Variants in CDH13 observed in about 807,000 individuals in gnomAD.
CDH13 encodes cadherin 13, also known as cadherin-13.
Under a neutral mutation model 63.8 loss-of-function variants are expected in CDH13, and 24 were observed. That is an observed-to-expected ratio of 0.38 (90% CI 0.27 to 0.53). The LOEUF (loss-of-function observed/expected upper bound fraction) is 0.53, where lower values mean the gene tolerates loss of function less well. Among genes scored for constraint, CDH13 ranks in the 20% least tolerant of loss-of-function variants. The pLI, the probability that CDH13 is intolerant of heterozygous loss-of-function variation, is 0.85. For synonymous variants in CDH13, 503 were observed against 355.3 expected, an observed-to-expected ratio of 1.42 and a Z score of -4.67; for missense variants, 1,049 against 903.1, an observed-to-expected ratio of 1.16 and a Z score of -2.07.
intron 2 of CDH13, among the ~76,000 whole-genome samples, chr16:82,883,528 A>G (rs969921360): frequency 2.0e-5 from 3 of 152,230 alleles, no homozygotes; most frequent in African/African-American, 7.2e-5. Context: ...TTCAGGTGGT[A>G]TGAGGATTAC....
intron 10 of CDH13, among the ~76,000 whole-genome samples, chr16:83,745,288 T>C (rs1221207142): frequency 1.3e-5 from 2 of 152,102 alleles, no homozygotes; most frequent in Admixed American, 6.5e-5. Context: ...AGTTTGGGGG[T>C]CTGGTACATC....
intron 5 of CDH13, among the ~76,000 whole-genome samples, chr16:83,246,428 G>GT (rs1421226493): frequency 3.3e-5 from 5 of 152,088 alleles, no homozygotes; most frequent in African/African-American, 1.2e-4. Flanking sequence ...GCCTCATTTT[G>GT]ATTTTCTGCT....
chr16:82,834,532 C>T (rs532997540), intron 1 of CDH13, among the ~76,000 whole-genome samples: 1 of 152,280 alleles, frequency 6.6e-6, no homozygotes, highest in South Asian at 2.1e-4. Flanking sequence ...TCATTCAGAA[C>T]ACAAGCTTTG....
At position 82,677,446 on chromosome 16, in the gene CDH13, CTTT is replaced by C. The variant is rs3041877; in HGVS notation, c.45+50324_45+50326del. Among the ~76,000 whole-genome samples the C allele has an allele frequency of 0.024, 3,131 of 130,694 alleles. 168 individuals carry two copies. In the East Asian group the frequency reaches 0.25, roughly 10 times the overall value. The allele number at this position is 130,694 out of a possible 152,430, so 85.7% of individuals were successfully genotyped here. A position where few individuals can be genotyped will look rare whatever the true frequency, so the allele number is the denominator to read the frequency against. On this transcript the variant is annotated intron_variant, in intron 1 of 13. Coordinates refer to ENST00000567109, the MANE Select transcript of CDH13 (RefSeq NM_001257.5). Reference sequence around the variant, plus strand: ...TATACAAAGGAAAGGACTCTTCTGCCTTTTTTTTTTTTTTTTTGGTTTTTAACT... The same window carrying C: ...TATACAAAGGAAAGGACTCTTCTGCCTTTTTTTTTTTTTTGGTTTTTAACT...
At chr16:83,007,146 T>C (rs1054881852) in intron 2 of CDH13, among the ~76,000 whole-genome samples, 1 of 152,144 alleles carries the variant, frequency 6.6e-6, no homozygotes. Context: ...GGTCTTGAAC[T>C]CTCGACCTAA....
chr16:83,177,871 C>T (rs1271575347), intron 4 of CDH13, among the ~76,000 whole-genome samples: 1 of 152,150 alleles, frequency 6.6e-6, no homozygotes, highest in Non-Finnish European at 1.5e-5. Context: ...ACCTGCTTTT[C>T]CCACCATGCT....
At chr16:83,061,683 C>T (rs765451023) in intron 3 of CDH13, among the ~76,000 whole-genome samples, 1 of 152,118 alleles carries the variant, frequency 6.6e-6, no homozygotes, top group Non-Finnish European at 1.5e-5. Flanking sequence ...AAACCAGACG[C>T]CTCCAGTTAA....
chr16:83,743,231 AC>A (rs1912227399), intron 10 of CDH13, among the ~76,000 whole-genome samples: 1 of 152,116 alleles, frequency 6.6e-6, no homozygotes, highest in Non-Finnish European at 1.5e-5. Context: ...AAATAAGCAA[AC>A]AGAGGGGAGC....
chr16:82,865,821 A>T (rs376926589), intron 2 of CDH13, among the ~76,000 whole-genome samples: 12 of 151,972 alleles, frequency 7.9e-5, no homozygotes, highest in African/African-American at 2.9e-4. Flanking sequence ...TTTCTTTTCT[A>T]TTTCATCTTC....
chr16:83,350,579 C>T (rs2090932793), intron 6 of CDH13, among the ~76,000 whole-genome samples: 1 of 152,004 alleles, frequency 6.6e-6, no homozygotes, highest in Non-Finnish European at 1.5e-5. Context: ...ATCCAGTATG[C>T]TTAGCAAGCA....
At chr16:83,651,777 G>T (rs1349642566) in intron 8 of CDH13, among the ~76,000 whole-genome samples, 6 of 151,260 alleles carry the variant, frequency 4.0e-5, no homozygotes, top group Admixed American at 4.0e-4. Flanking sequence ...TGTATTTTTA[G>T]TAGAGACAGG....
intron 4 of CDH13, among the ~76,000 whole-genome samples, chr16:83,216,375 T>A (rs74983270): frequency 0.057 from 6,422 of 113,356 alleles, 633 homozygotes; most frequent in African/African-American, 0.18. Context: ...GAAATAATAA[T>A]GTCCTCTGCC....
chr16:82,892,106 G>A (rs1018033365), intron 2 of CDH13, among the ~76,000 whole-genome samples: 8 of 152,042 alleles, frequency 5.3e-5, no homozygotes, highest in Non-Finnish European at 2.9e-5. Context: ...ATCCCTTTAT[G>A]AGCTCATAGC....
At chr16:82,956,754 A>C (rs1906174119) in intron 2 of CDH13, among the ~76,000 whole-genome samples, 1 of 152,214 alleles carries the variant, frequency 6.6e-6, no homozygotes, top group South Asian at 2.1e-4. Context: ...CACATTGGAA[A>C]GTTTGCATAA....
At chr16:82,772,408 A>G (rs953729243) in intron 1 of CDH13, among the ~76,000 whole-genome samples, 1 of 152,130 alleles carries the variant, frequency 6.6e-6, no homozygotes, top group African/African-American at 2.4e-5. Context: ...ACCAGCTGCA[A>G]TATGGTAGGA....
chr16:83,557,709 C>T (rs954496583), intron 7 of CDH13, among the ~76,000 whole-genome samples: 1 of 152,012 alleles, frequency 6.6e-6, no homozygotes, highest in Admixed American at 6.6e-5. Flanking sequence ...GGGGACTTGC[C>T]GTCTTCCTAG....
At chr16:83,015,648 G>C (rs962688231) in intron 2 of CDH13, among the ~76,000 whole-genome samples, 1 of 108,550 alleles carries the variant, frequency 9.2e-6, no homozygotes, top group African/African-American at 3.3e-5. Flanking sequence ...GCTTCAGCTT[G>C]CAGCATATAT....
At chr16:83,724,483 T>A (rs1293860719) in intron 10 of CDH13, among the ~76,000 whole-genome samples, 1 of 149,238 alleles carries the variant, frequency 6.7e-6, no homozygotes, top group Non-Finnish European at 1.5e-5. Context: ...TGGATGAGTG[T>A]GGAATGCATG....
chr16:83,389,665 T>C (rs1209228372), intron 6 of CDH13, among the ~76,000 whole-genome samples: 1 of 152,250 alleles, frequency 6.6e-6, no homozygotes, highest in Non-Finnish European at 1.5e-5. Context: ...AGCTTGTTGC[T>C]CTGTCCTGGG....
Sources: gnomAD v4.1 joint callset for allele counts (sites outside exome capture counted in the v4.1 genomes callset) on GRCh38, gnomAD v4.1.1 for gene constraint, MANE v1.5 for transcripts, NCBI Gene and HGNC (gene_info 2026-07-23, HGNC 2026-07-21) for gene names.